Variants in MDH1 observed in about 807,000 individuals in gnomAD.
The protein encoded by MDH1 is malate dehydrogenase 1.
A neutral mutation model predicts 38.7 loss-of-function variants in MDH1; 15 were observed. That is an observed-to-expected ratio of 0.39 (90% CI 0.26 to 0.60). The LOEUF (loss-of-function observed/expected upper bound fraction) is 0.60. Among genes scored for constraint, MDH1 ranks in the 20% least tolerant of loss-of-function variants. The pLI, the probability that MDH1 is intolerant of heterozygous loss-of-function variation, is 0.56. For missense variants in MDH1, 368 were observed against 405.2 expected (o/e 0.91, Z 0.79); for synonymous variants, 144 against 143.6 (o/e 1.00, Z -0.02).
At chr2:63,593,594 G>A (rs1439959999) in intron 1 of MDH1, 1 of 471,658 alleles carries the variant, frequency 2.1e-6, no homozygotes, top group Admixed American at 2.3e-5. Context: ...ACACTTCTGG[G>A]CTTAGTCACA....
rs370479356 is a variant in MDH1, at chr2:63,602,934, C to CT, written c.499-1719dup. Among the ~76,000 whole-genome samples the CT allele has an allele frequency of 1.5e-3, 203 of 131,534 alleles. 10 individuals carry two copies. Among genetic ancestry groups the CT allele is most frequent in the Non-Finnish European group, 2.7e-3 (163 of 59,554 alleles). The allele number at this position is 131,534 out of a possible 152,430, so 86.3% of individuals were successfully genotyped here. A position where few individuals can be genotyped will look rare whatever the true frequency, so the allele number is the denominator to read the frequency against. On this transcript the variant is annotated intron_variant, in intron 5 of 8. Transcript: ENST00000233114. ...ACATAATACAGTTTATTTAACCGTTCTTTTTTTTTTTTTTTTTTTTTTTTT... is the reference window on the plus strand; with the variant it reads ...ACATAATACAGTTTATTTAACCGTTCTTTTTTTTTTTTTTTTTTTTTTTTTT...
chr2:63,606,857 A>G lies in MDH1; in HGVS notation c.880-5A>G. ...AAATCTCTTATTTGCATTATTTTCA[A>G]ACAGAATAAGACCTGGAAGTTTGTT... On this transcript the variant is annotated splice_polypyrimidine_tract_variant and splice_region_variant and intron_variant, in intron 8 of 8. Coordinates refer to ENST00000233114, the MANE Select transcript of MDH1 (RefSeq NM_005917.4). 1 of 1,598,152 alleles carries G rather than the reference A, an allele frequency of 6.3e-7. No homozygotes were observed. Among genetic ancestry groups the G allele is most frequent in the Non-Finnish European group, 8.5e-7 (1 of 1,173,560 alleles).
chr2:63,594,395 A>C lies in MDH1; in HGVS notation c.4-93A>C, dbSNP rs766565871. 63 of 966,532 alleles carry C rather than the reference A, an allele frequency of 6.5e-5. 1 individual carries two copies. Among genetic ancestry groups the C allele is most frequent in the Non-Finnish European group, 1.0e-4 (62 of 592,398 alleles). The allele number at this position is 966,532 out of a possible 1,614,324, so 59.9% of individuals were successfully genotyped here. ...ACTTTAAAATTTTACATTCACTTTT[A>C]AAGTATGTGGATTTCTTACTATAGA... On this transcript the variant is annotated intron_variant, in intron 1 of 8. Coordinates refer to ENST00000233114, the MANE Select transcript of MDH1 (RefSeq NM_005917.4).
In MDH1 at chr2:63,597,516, T is replaced by G; in HGVS notation, c.317T>G (p.Val106Gly). ...MERKDLLKAN[V>G]KIFKSQGAAL... is the part of the protein sequence containing the mutation. ...AGAAAAGATTTACTGAAAGCAAATGTGAAAATCTTCAAATCCCAGGGTGCA... is the reference window on the plus strand; with the variant it reads ...AGAAAAGATTTACTGAAAGCAAATGGGAAAATCTTCAAATCCCAGGGTGCA... The change falls in exon 4 of 9, where the codon GTG (valine) becomes GGG (glycine). Residue 106 changes from valine (V) to glycine (G), a missense_variant. Transcript: ENST00000233114. 1 of 1,509,158 alleles carries G rather than the reference T, an allele frequency of 6.6e-7. No individual in the cohort carries two copies. Among genetic ancestry groups the G allele is most frequent in the East Asian group, 2.5e-5 (1 of 39,844 alleles). The allele number at this position is 1,509,158 out of a possible 1,614,324, so 93.5% of individuals were successfully genotyped here.
At chr2:63,604,083 G>T (rs1709482455) in intron 5 of MDH1, among the ~76,000 whole-genome samples, 4 of 152,202 alleles carry the variant, frequency 2.6e-5, no homozygotes, top group Admixed American at 2.0e-4. Context: ...ATTTTAGAGT[G>T]TATATATGTG....
chr2:63,590,900 C>T (rs772668695), intron 1 of MDH1: 4 of 152,152 alleles, frequency 2.6e-5, no homozygotes, highest in Admixed American at 1.3e-4. Context: ...TCATTCAAAG[C>T]GGAGGATTCT....
chr2:63,603,702 T>G (rs1056415036), intron 5 of MDH1, among the ~76,000 whole-genome samples: 5 of 145,632 alleles, frequency 3.4e-5, no homozygotes, highest in African/African-American at 7.6e-5. Context: ...GCATCGCCCA[T>G]GCTGGAGTGC....
chr2:63,595,949 T>C (rs1010079652), intron 3 of MDH1, among the ~76,000 whole-genome samples: 1 of 152,172 alleles, frequency 6.6e-6, no homozygotes, highest in South Asian at 2.1e-4. Context: ...AGCTATACAT[T>C]GCTCTGGAAG....
chr2:63,594,706 AATAGGCAC>A lies in MDH1; in HGVS notation c.102+123_102+130del, dbSNP rs1257903633. ...AGGAATATGTAATCCCAGTAAATGT[AATAGGCAC>A]ATTGCTATAAATGGAAGCTACTAAG... On this transcript the variant is annotated intron_variant, in intron 2 of 8. Coordinates refer to ENST00000233114, the MANE Select transcript of MDH1 (RefSeq NM_005917.4). 5 of 701,348 alleles carry A rather than the reference AATAGGCAC, an allele frequency of 7.1e-6. No homozygotes were observed. In the African/African-American group the frequency reaches 9.0e-5, roughly 13 times the overall value. 43.4% of individuals were successfully genotyped at this position (701,348 alleles called of 1,614,324 possible).
intron 4 of MDH1, among the ~76,000 whole-genome samples, chr2:63,598,603 A>G (rs1306081367): frequency 6.6e-6 from 1 of 152,208 alleles, no homozygotes. Context: ...TCTATCAATA[A>G]CATTTCATAG....
At chr2:63,598,882 G>A (rs922622521) in intron 4 of MDH1, among the ~76,000 whole-genome samples, 3 of 142,206 alleles carry the variant, frequency 2.1e-5, no homozygotes, top group South Asian at 2.2e-4. Flanking sequence ...TCTACAGCTT[G>A]TCAAAAGAGG....
chr2:63,594,719 C>A, intron 2 of MDH1, 133 bp downstream of exon 2: 1 of 653,630 alleles, frequency 1.5e-6, no homozygotes, highest in Admixed American at 2.8e-5. Flanking sequence ...AGGCACATTG[C>A]TATAAATGGA....
chr2:63,589,362 C>T, intron 1 of MDH1: 1 of 1,550,578 alleles, frequency 6.4e-7, no homozygotes, highest in Non-Finnish European at 8.7e-7. Flanking sequence ...AAGGACGTTA[C>T]GGTGTTTGAT....
intron 2 of MDH1, chr2:63,594,989 G>T (rs1249644497): frequency 7.8e-6 from 2 of 256,356 alleles, no homozygotes; most frequent in African/African-American, 4.6e-5. Flanking sequence ...CTTCCAGCAA[G>T]CCTGATTAAT....
intron 4 of MDH1, among the ~76,000 whole-genome samples, chr2:63,598,423 C>A (rs1048063974): frequency 1.4e-4 from 22 of 152,264 alleles, no homozygotes; most frequent in African/African-American, 5.1e-4. Flanking sequence ...GCCACCACGC[C>A]CAGCCAAACC....
At chr2:63,603,504 T>C (rs772184221) in intron 5 of MDH1, among the ~76,000 whole-genome samples, 1 of 152,100 alleles carries the variant, frequency 6.6e-6, no homozygotes, top group Non-Finnish European at 1.5e-5. Context: ...TCTTAAAATA[T>C]TTTTCCACAT....
At chr2:63,604,338 A>C (rs1315633698) in intron 5 of MDH1, among the ~76,000 whole-genome samples, 1 of 152,252 alleles carries the variant, frequency 6.6e-6, no homozygotes, top group Non-Finnish European at 1.5e-5. Flanking sequence ...TAACAGTGAA[A>C]CAAAAGATCA....
chr2:63,592,129 C>A (rs549009827), intron 1 of MDH1, among the ~76,000 whole-genome samples: 16 of 152,204 alleles, frequency 1.1e-4, no homozygotes, highest in Non-Finnish European at 2.1e-4. Context: ...AATGGATTCC[C>A]TGGCCTAAAA....
chr2:63,592,913 C>T (rs1709226879), intron 1 of MDH1, among the ~76,000 whole-genome samples: 1 of 151,864 alleles, frequency 6.6e-6, no homozygotes, highest in Non-Finnish European at 1.5e-5. Flanking sequence ...TTCCTGTATT[C>T]CCTTTTCCTC....
Sources: gnomAD v4.1 joint callset for allele counts (sites outside exome capture counted in the v4.1 genomes callset) on GRCh38, gnomAD v4.1.1 for gene constraint, MANE v1.5 for transcripts, NCBI Gene and HGNC (gene_info 2026-07-23, HGNC 2026-07-21) for gene names.